NAV1: variants seen among roughly 807,000 people sequenced by gnomAD.
NAV1 encodes the protein neuron navigator 1.
Under a neutral mutation model 175.2 loss-of-function variants are expected in NAV1, and 18 were observed. The ratio of observed to expected loss-of-function variants is 0.10; its 90% CI spans 0.07 to 0.15. The LOEUF is 0.15. NAV1 is among the 10% of genes least tolerant of loss of function. The pLI is 1.00. For missense variants in NAV1, 1,731 were observed against 2,436.6 expected, an observed-to-expected ratio of 0.71 and a Z score of 6.10; for synonymous variants, 897 against 978.7, an observed-to-expected ratio of 0.92 and a Z score of 1.56.
chr1:201,690,355 A>C (rs1571886321), intron 1 of NAV1, among the ~76,000 whole-genome samples: 1 of 59,672 alleles, frequency 1.7e-5, no homozygotes, highest in African/African-American at 5.5e-5. Context: ...TGTGGCCTAT[A>C]TGTGGCAGAA....
At chr1:201,746,625 A>G (rs1673783154) in intron 3 of NAV1, among the ~76,000 whole-genome samples, 1 of 152,212 alleles carries the variant, frequency 6.6e-6, no homozygotes, top group Non-Finnish European at 1.5e-5. Context: ...GGGAAGATTT[A>G]TGCCCAGGTC....
chr1:201,550,048 C>T (rs1380950426), intron 1 of NAV1, among the ~76,000 whole-genome samples: 12 of 151,342 alleles, frequency 7.9e-5, no homozygotes, highest in Non-Finnish European at 1.2e-4. Flanking sequence ...CCTGGGTGCC[C>T]GCCGGGCATG....
intron 15 of NAV1, among the ~76,000 whole-genome samples, chr1:201,802,529 C>T (rs1269641077): frequency 1.3e-5 from 2 of 150,344 alleles, no homozygotes; most frequent in African/African-American, 4.9e-5. Flanking sequence ...GCCTGTAATC[C>T]CAGCACTTTG....
intron 16 of NAV1, 128 bp from the exon 21 acceptor site, chr1:201,804,361 C>A: frequency 4.4e-6 from 4 of 910,470 alleles, no homozygotes; most frequent in Non-Finnish European, 6.6e-6. Flanking sequence ...GTCCCCTGTT[C>A]AGTAAGACAC....
chr1:201,569,679 C>T (rs1666471410), intron 1 of NAV1, among the ~76,000 whole-genome samples: 1 of 152,204 alleles, frequency 6.6e-6, no homozygotes, highest in Admixed American at 6.5e-5. Context: ...GCTGGGGCTG[C>T]ACACAGAGAG....
At chr1:201,744,316 G>GTATTTATTTATT (rs201881780) in intron 3 of NAV1, among the ~76,000 whole-genome samples, 14 of 141,032 alleles carry the variant, frequency 9.9e-5, no homozygotes, top group East Asian at 6.3e-4. Flanking sequence ...ATGTATGTAT[G>GTATTTATTTATT]TATTTATTTA....
rs201993704 is a variant in NAV1 at position 201,642,690 on chromosome 1, TTTC to T, written c.5-5939_5-5937del. On this transcript the variant is annotated intron_variant, in intron 2 of 29. Transcript: ENST00000367302. The stretch of plus-strand genomic sequence containing the variant: ...TCCTTCCCTCCCTCTCTTTCTTCCC[TTTC>T]TTCTCTCTCTTTCTTTCTTTCTTTC... 7.5e-3 allele frequency among the ~76,000 whole-genome samples: 742 copies of T among 99,430 alleles called. 10 individuals carry two copies. The highest frequency in any genetic ancestry group is 0.026 in the African/African-American group (699 of 27,262). 65.2% of individuals were successfully genotyped at this position (99,430 alleles called of 152,430 possible). A position where few individuals can be genotyped will look rare whatever the true frequency, so the allele number is the denominator to read the frequency against.
intron 3 of NAV1, among the ~76,000 whole-genome samples, chr1:201,734,677 C>T (rs1277248389): frequency 2.0e-5 from 3 of 151,978 alleles, no homozygotes; most frequent in African/African-American, 2.4e-5. Flanking sequence ...CCTGGCCTCT[C>T]GAGGTGGAGG....
At chr1:201,780,499 C>T (rs779615897) in exon 4 of NAV1, 1 of 1,614,208 alleles carries the variant, frequency 6.2e-7, no homozygotes, top group Admixed American at 1.7e-5. Flanking sequence ...TCAATGCCAG[C>T]TCCTCACTCA....
chr1:201,566,817 AG>A (rs1368501664), intron 1 of NAV1, among the ~76,000 whole-genome samples: 1 of 151,806 alleles, frequency 6.6e-6, no homozygotes, highest in Non-Finnish European at 1.5e-5. Context: ...TTTTAAAGGC[AG>A]GTTTGTCTAC....
intron 1 of NAV1, among the ~76,000 whole-genome samples, chr1:201,657,238 G>T (rs1005901788): frequency 6.6e-6 from 1 of 152,202 alleles, no homozygotes; most frequent in African/African-American, 2.4e-5. Context: ...TCATAGGCAG[G>T]TGGGTGTTCT....
intron 2 of NAV1, among the ~76,000 whole-genome samples, chr1:201,636,184 G>T (rs1668614531): frequency 6.6e-6 from 1 of 152,224 alleles, no homozygotes; most frequent in South Asian, 2.1e-4. Flanking sequence ...CAGAGAGCCT[G>T]CAGAGGGGGC....
chr1:201,797,272 G>A (rs1323123184), intron 15 of NAV1: 1 of 152,106 alleles, frequency 6.6e-6, no homozygotes, highest in African/African-American at 2.4e-5. Context: ...GGCACTCTAG[G>A]AAATCAATTG....
chr1:201,667,462 C>T (rs1669871818), intron 1 of NAV1, among the ~76,000 whole-genome samples: 3 of 152,136 alleles, frequency 2.0e-5, no homozygotes, highest in Admixed American at 6.5e-5. Context: ...ATGAGGAAAC[C>T]GACATGCCCA....
chr1:201,589,730 G>A (rs1375740366), intron 2 of NAV1, among the ~76,000 whole-genome samples: 1 of 152,180 alleles, frequency 6.6e-6, no homozygotes, highest in Non-Finnish European at 1.5e-5. Flanking sequence ...GGGCTCATGT[G>A]ATCTGCCTGC....
chr1:201,800,815 ATC>A (rs1677809427), intron 15 of NAV1, among the ~76,000 whole-genome samples: 2 of 85,828 alleles, frequency 2.3e-5, no homozygotes, highest in African/African-American at 3.7e-5. Context: ...AACTTGGTGT[ATC>A]TTTTTTTTTT....
intron 2 of NAV1, among the ~76,000 whole-genome samples, chr1:201,594,473 CTT>C (rs889164840): frequency 6.6e-6 from 1 of 152,188 alleles, no homozygotes; most frequent in Non-Finnish European, 1.5e-5. Flanking sequence ...GGTCTGTGGA[CTT>C]TGAGTAGCCA....
intron 3 of NAV1, among the ~76,000 whole-genome samples, chr1:201,742,982 T>G (rs763117644): frequency 6.6e-6 from 1 of 152,204 alleles, no homozygotes; most frequent in Non-Finnish European, 1.5e-5. Context: ...TTTTCTCATT[T>G]TAACATGAGG....
intron 15 of NAV1, among the ~76,000 whole-genome samples, chr1:201,800,023 A>T (rs1249130107): frequency 6.6e-6 from 1 of 151,188 alleles, no homozygotes; most frequent in African/African-American, 2.4e-5. Context: ...TTTTTGAGAG[A>T]GGGTATCACT....
Sources: gnomAD v4.1 joint callset for allele counts (sites outside exome capture counted in the v4.1 genomes callset) on GRCh38, gnomAD v4.1.1 for gene constraint, MANE v1.5 for transcripts, NCBI Gene and HGNC (gene_info 2026-07-23, HGNC 2026-07-21) for gene names.